Variants in PREX2 observed in about 807,000 individuals in gnomAD.
PREX2 encodes phosphatidylinositol-3,4,5-trisphosphate dependent Rac exchange factor 2, also known as phosphatidylinositol 3,4,5-trisphosphate-dependent Rac exchanger 2 protein.
Under a neutral mutation model 203.2 loss-of-function variants are expected in PREX2, and 107 were observed. The ratio of observed to expected loss-of-function variants is 0.53; its 90% confidence interval spans 0.45 to 0.62. PREX2 has a LOEUF of 0.62. Among genes scored for constraint, PREX2 ranks in the 20% least tolerant of loss-of-function variants. The probability of loss-of-function intolerance (pLI) is 0.00; values close to 1 mark genes in which losing one functional copy is unlikely to be tolerated. For synonymous variants in PREX2, 672 were observed against 663.6 expected (o/e 1.01, Z -0.19); for missense variants, 1,777 against 1,955.9 (o/e 0.91, Z 1.72).
rs139451647 is a variant in PREX2, at chr8:68,072,531, G to C, written c.1530G>C (p.Val510=). 319 of 1,597,804 alleles carry C rather than the reference G, an allele frequency of 2.0e-4. 2 individuals are homozygous for C. The African/African-American group carries it at 3.6e-3, about 18-fold the overall frequency. The change falls in exon 14 of 40, where the codon GTG becomes GTC. Residue 510 remains valine (V), a synonymous_variant. Coordinates refer to ENST00000288368, the MANE Select transcript of PREX2 (RefSeq NM_024870.4). ...ACCATTTAAGGACCTACAAATCTGT[G>C]GTCATGGCCAACAAACTGATAGACT... ...KDYHLRTYKS[V]VMANKLIDWL... is the part of the protein sequence containing the mutation.
intron 21 of PREX2, among the ~76,000 whole-genome samples, chr8:68,095,275 C>A (rs1269662921): frequency 6.6e-6 from 1 of 152,108 alleles, no homozygotes; most frequent in Non-Finnish European, 1.5e-5. Context: ...CCCCAGAGGT[C>A]CAGGGGTGGG....
At chr8:68,031,297 A>G (rs909277651) in intron 6 of PREX2, among the ~76,000 whole-genome samples, 1 of 152,220 alleles carries the variant, frequency 6.6e-6, no homozygotes, top group Non-Finnish European at 1.5e-5. Context: ...CTATGCAAAG[A>G]ATGAACTAAA....
rs529806702 is a variant in PREX2 at position 68,196,729 on chromosome 8, C to T, written c.4604+4204C>T. ...CTTTAAAGATGTATGGCACCTCCCC[C>T]CCCCAACTCTCTCTTCCTCCTGCTC... On this transcript the variant is annotated intron_variant, in intron 37 of 39. Coordinates refer to ENST00000288368, the MANE Select transcript of PREX2 (RefSeq NM_024870.4). Among the ~76,000 whole-genome samples, 7 of 151,264 alleles carry T rather than the reference C, an allele frequency of 4.6e-5. No individual in the cohort carries two copies. In the East Asian group the frequency reaches 7.8e-4, roughly 17 times the overall value.
At chr8:68,127,470 G>T (rs1459669178) in intron 31 of PREX2, 51 bp downstream of exon 31, 1 of 1,282,798 alleles carries the variant, frequency 7.8e-7, no homozygotes. Flanking sequence ...TTGTGGCCCA[G>T]GATCATAAAG....
chr8:68,206,450 T>C (rs1812628281), intron 37 of PREX2, among the ~76,000 whole-genome samples: 1 of 152,110 alleles, frequency 6.6e-6, no homozygotes, highest in Non-Finnish European at 1.5e-5. Context: ...GTAAGAGCTA[T>C]TAAAAATCAC....
intron 33 of PREX2, among the ~76,000 whole-genome samples, chr8:68,141,574 C>T (rs1165749360): frequency 1.3e-5 from 2 of 152,144 alleles, no homozygotes; most frequent in Non-Finnish European, 2.9e-5. Context: ...GGCAGCCCTT[C>T]AAGGGGTGAC....
At chr8:68,094,315 C>T (rs1809987165) in intron 21 of PREX2, among the ~76,000 whole-genome samples, 1 of 152,150 alleles carries the variant, frequency 6.6e-6, no homozygotes, top group African/African-American at 2.4e-5. Flanking sequence ...TGTATTCTAA[C>T]ATTGACAGTA....
chr8:68,059,076 A>G (rs1020490040), intron 10 of PREX2, among the ~76,000 whole-genome samples: 2 of 152,056 alleles, frequency 1.3e-5, no homozygotes, highest in African/African-American at 4.8e-5. Context: ...GACATTAGCC[A>G]TTTTTCTTGC....
At chr8:68,119,151 G>T (rs1163331515) in intron 27 of PREX2, among the ~76,000 whole-genome samples, 2 of 152,150 alleles carry the variant, frequency 1.3e-5, no homozygotes, top group East Asian at 3.8e-4. Context: ...CTTAATTTTT[G>T]ATTATGCAGT....
intron 33 of PREX2, among the ~76,000 whole-genome samples, chr8:68,139,641 A>G (rs981235880): frequency 5.9e-5 from 9 of 152,188 alleles, no homozygotes; most frequent in African/African-American, 2.2e-4. Flanking sequence ...TACCTCTCCC[A>G]GGTGGGAGAG....
intron 4 of PREX2, 113 bp from the exon 5 acceptor site, chr8:68,027,109 G>GAAAGTATAT: frequency 2.7e-6 from 2 of 741,508 alleles, no homozygotes; most frequent in Non-Finnish European, 4.7e-6. Flanking sequence ...CTTAGAGAAA[G>GAAAGTATAT]AAAGTATATG....
intron 4 of PREX2, 120 bp downstream of exon 4, chr8:68,022,260 C>G (rs566036049): frequency 1.7e-6 from 1 of 598,156 alleles, no homozygotes; most frequent in Non-Finnish European, 3.0e-6. Context: ...CATCCCCAGG[C>G]GAGGAAGCAA....
At chr8:68,080,715 T>C in intron 16 of PREX2, 31 bp from the exon 17 acceptor site, 1 of 1,487,600 alleles carries the variant, frequency 6.7e-7, no homozygotes, top group Non-Finnish European at 9.2e-7. Flanking sequence ...CATAGTTGCT[T>C]TATCAATAAT....
At chr8:68,211,825 C>A (rs892771076) in intron 37 of PREX2, among the ~76,000 whole-genome samples, 3 of 152,078 alleles carry the variant, frequency 2.0e-5, no homozygotes, top group Admixed American at 6.6e-5. Flanking sequence ...AAGTAGGATA[C>A]TGGGACAAGG....
chr8:68,012,730 G>T (rs772430126), intron 1 of PREX2, among the ~76,000 whole-genome samples: 1 of 152,178 alleles, frequency 6.6e-6, no homozygotes, highest in Non-Finnish European at 1.5e-5. Context: ...CTATTTCAAA[G>T]ATGAAAAGAT....
intron 1 of PREX2, among the ~76,000 whole-genome samples, chr8:67,959,997 C>G (rs1244539117): frequency 6.6e-6 from 1 of 151,996 alleles, no homozygotes; most frequent in African/African-American, 2.4e-5. Context: ...TAGGTAAAGT[C>G]CTGATAGGTA....
intron 8 of PREX2, among the ~76,000 whole-genome samples, chr8:68,052,348 G>A (rs182139848): frequency 2.0e-5 from 3 of 152,224 alleles, no homozygotes; most frequent in East Asian, 1.9e-4. Flanking sequence ...TTCTCTACCC[G>A]CTGTTAGGCA....
intron 11 of PREX2, among the ~76,000 whole-genome samples, chr8:68,061,067 G>T (rs1014042142): frequency 2.2e-4 from 33 of 152,190 alleles, no homozygotes; most frequent in African/African-American, 7.7e-4. Flanking sequence ...TAGAGTATTT[G>T]GGAGTGCTTC....
intron 1 of PREX2, among the ~76,000 whole-genome samples, chr8:68,004,488 A>G (rs1807034885): frequency 1.3e-5 from 2 of 152,212 alleles, no homozygotes; most frequent in South Asian, 2.1e-4. Flanking sequence ...GTCAATGGGC[A>G]TCACACCTGT....
Sources: gnomAD v4.1 joint callset for allele counts (sites outside exome capture counted in the v4.1 genomes callset) on GRCh38, gnomAD v4.1.1 for gene constraint, MANE v1.5 for transcripts, NCBI Gene and HGNC (gene_info 2026-07-23, HGNC 2026-07-21) for gene names.